ENTREP2: variants seen among roughly 807,000 people sequenced by gnomAD.
ENTREP2 encodes endosomal transmembrane epsin interactor 2, also known as protein ENTREP2.
chr15:29,288,733 G>A, the ENTREP2 span, among the ~76,000 whole-genome samples: 1 of 152,086 alleles, frequency 6.6e-6, no homozygotes, highest in Non-Finnish European at 1.5e-5. Context: ...ATCTAGGCTT[G>A]AGTAAGTACT....
the ENTREP2 span, among the ~76,000 whole-genome samples, chr15:29,606,947 C>T: frequency 2.0e-5 from 3 of 152,020 alleles, no homozygotes; most frequent in African/African-American, 7.3e-5. Context: ...AATTCTAGTG[C>T]CCCAGCTTCC....
the ENTREP2 span, among the ~76,000 whole-genome samples, chr15:29,150,967 T>TAC: frequency 6.6e-6 from 1 of 151,752 alleles, no homozygotes; most frequent in Admixed American, 6.6e-5. Context: ...CACACACTCA[T>TAC]ACACACACAC....
the ENTREP2 span, among the ~76,000 whole-genome samples, chr15:29,542,219 T>A: frequency 6.6e-6 from 1 of 152,110 alleles, no homozygotes; most frequent in African/African-American, 2.4e-5. Flanking sequence ...TTCACCATGT[T>A]GGCCAGGCTT....
the ENTREP2 span, among the ~76,000 whole-genome samples, chr15:29,458,452 CCACGGG>C: frequency 6.6e-6 from 1 of 152,148 alleles, no homozygotes; most frequent in South Asian, 2.1e-4. Flanking sequence ...CATCGCAGAG[CCACGGG>C]CACGGTAGAG....
chr15:29,502,248 A>AGTGT, the ENTREP2 span, among the ~76,000 whole-genome samples: 2 of 152,004 alleles, frequency 1.3e-5, no homozygotes, highest in South Asian at 4.1e-4. Flanking sequence ...TAATCAAGAC[A>AGTGT]GTGTGATACT....
the ENTREP2 span, among the ~76,000 whole-genome samples, chr15:29,189,422 T>C: frequency 5.4e-5 from 3 of 55,256 alleles, no homozygotes; most frequent in Non-Finnish European, 1.1e-4. Flanking sequence ...TTGTCTTGCT[T>C]TTTTTTTTTT....
At chr15:29,180,688 A>C in the ENTREP2 span, among the ~76,000 whole-genome samples, 16 of 152,024 alleles carry the variant, frequency 1.1e-4, 1 homozygote, top group African/African-American at 3.6e-4. Context: ...AAACAAAATA[A>C]AATAAAATAA....
the ENTREP2 span, among the ~76,000 whole-genome samples, chr15:29,620,405 G>A: frequency 5.3e-5 from 8 of 152,102 alleles, no homozygotes; most frequent in African/African-American, 1.5e-4. Context: ...CACCTGGGCT[G>A]TGAAGCTTGT....
chr15:29,308,928 A>T, the ENTREP2 span, among the ~76,000 whole-genome samples: 10 of 152,256 alleles, frequency 6.6e-5, no homozygotes, highest in Non-Finnish European at 1.5e-4. Flanking sequence ...CTGTGAAATG[A>T]TTCTTACTCC....
chr15:29,258,536 G>A, the ENTREP2 span, among the ~76,000 whole-genome samples: 3 of 151,828 alleles, frequency 2.0e-5, no homozygotes, highest in Admixed American at 6.6e-5. Flanking sequence ...TAATAAAAAC[G>A]TACTTGCATT....
At chr15:29,570,396 T>TG in the ENTREP2 span, 3 of 639,674 alleles carry the variant, frequency 4.7e-6, no homozygotes, top group Non-Finnish European at 6.6e-6. Context: ...GCCCCGGCGT[T>TG]GGCCGCCGGA....
the ENTREP2 span, among the ~76,000 whole-genome samples, chr15:29,313,963 T>A: frequency 2.6e-5 from 4 of 152,218 alleles, no homozygotes; most frequent in Admixed American, 2.0e-4. Flanking sequence ...ACAGGTGACC[T>A]TGAGGTTTTC....
the ENTREP2 span, among the ~76,000 whole-genome samples, chr15:29,132,351 G>A: frequency 1.3e-5 from 2 of 152,164 alleles, no homozygotes; most frequent in Admixed American, 6.5e-5. Context: ...AGACACGGCC[G>A]TGAATTGAAA....
At chr15:29,452,369 C>A in the ENTREP2 span, among the ~76,000 whole-genome samples, 3 of 152,200 alleles carry the variant, frequency 2.0e-5, no homozygotes, top group Non-Finnish European at 4.4e-5. Context: ...AAGCCATAGC[C>A]CTTCACCCTC....
the ENTREP2 span, among the ~76,000 whole-genome samples, chr15:29,454,832 A>G: frequency 6.6e-6 from 1 of 152,128 alleles, no homozygotes; most frequent in East Asian, 1.9e-4. Flanking sequence ...GGCCCACAAA[A>G]CTGGGAAGTA....
the ENTREP2 span, chr15:29,234,026 G>T: frequency 6.8e-7 from 1 of 1,476,950 alleles, no homozygotes; most frequent in African/African-American, 1.4e-5. Flanking sequence ...TCCACCTCTG[G>T]GTCAAGATCT....
chr15:29,634,305 G>A, the ENTREP2 span, among the ~76,000 whole-genome samples: 1 of 152,188 alleles, frequency 6.6e-6, no homozygotes, highest in East Asian at 1.9e-4. Flanking sequence ...GCTGGCTCCT[G>A]TGCCAGGACC....
chr15:29,301,202 G>A, the ENTREP2 span, among the ~76,000 whole-genome samples: 3 of 152,134 alleles, frequency 2.0e-5, no homozygotes, highest in Non-Finnish European at 4.4e-5. Flanking sequence ...TACAATTCTT[G>A]CTACCTAAAA....
At chr15:29,395,771 C>T in the ENTREP2 span, among the ~76,000 whole-genome samples, 33 of 151,976 alleles carry the variant, frequency 2.2e-4, no homozygotes, top group South Asian at 1.0e-3. Context: ...TGGGTGCCAA[C>T]GATCCTCCTG....
Sources: gnomAD v4.1 joint callset for allele counts (sites outside exome capture counted in the v4.1 genomes callset) on GRCh38, gnomAD v4.1.1 for gene constraint, MANE v1.5 for transcripts, NCBI Gene and HGNC (gene_info 2026-07-23, HGNC 2026-07-21) for gene names.